Variants in MARCHF1 observed in about 807,000 individuals in gnomAD.
MARCHF1 encodes the protein E3 ubiquitin-protein ligase MARCHF1.
A neutral mutation model predicts 54.2 loss-of-function variants in MARCHF1; 40 were observed. The ratio of observed to expected loss-of-function variants is 0.74; its 90% CI spans 0.57 to 0.96. The LOEUF (loss-of-function observed/expected upper bound fraction) is 0.96. Among genes scored for constraint, MARCHF1 ranks in the 40% least tolerant of loss-of-function variants. MARCHF1 has a pLI of 0.00. For missense variants in MARCHF1, 586 were observed against 656.5 expected (o/e 0.89, Z 1.17); for synonymous variants, 236 against 236.3 (o/e 1.00, Z 0.01).
chr4:163,574,194 T>C lies in MARCHF1; in HGVS notation c.1191+11555A>G, dbSNP rs539722743. ...TTCCTTGTAAATTTGTTTGAGTTCA[T>C]TGTAGATTCTGGATATTAGCCCTTT... On this transcript the variant is annotated intron_variant, in intron 8 of 9. Transcript: ENST00000514618. 3.3e-5 allele frequency among the ~76,000 whole-genome samples: 5 copies of C among 152,258 alleles called. No individual in the cohort carries two copies. The South Asian group carries it at 1.0e-3, about 32-fold the overall frequency.
chr4:164,302,620 G>A (rs1734591264), intron 1 of MARCHF1, among the ~76,000 whole-genome samples: 1 of 152,106 alleles, frequency 6.6e-6, no homozygotes, highest in African/African-American at 2.4e-5. Flanking sequence ...GCTAACACCT[G>A]TAATCCCAGC....
intron 3 of MARCHF1, among the ~76,000 whole-genome samples, chr4:163,863,575 G>C (rs572804603): frequency 3.0e-4 from 46 of 152,064 alleles, no homozygotes; most frequent in African/African-American, 1.1e-3. Flanking sequence ...AGTTTAATAT[G>C]GATAAATGTG....
At chr4:164,177,394 G>A (rs1265647961) in intron 1 of MARCHF1, among the ~76,000 whole-genome samples, 1 of 152,136 alleles carries the variant, frequency 6.6e-6, no homozygotes, top group Non-Finnish European at 1.5e-5. Context: ...CAGAATCGAG[G>A]TTCTTTGATT....
At chr4:164,148,470 C>A (rs1729833413) in intron 1 of MARCHF1, among the ~76,000 whole-genome samples, 1 of 151,840 alleles carries the variant, frequency 6.6e-6, no homozygotes, top group African/African-American at 2.4e-5. Context: ...CCCATTCTAC[C>A]ATTTCTTTAT....
At chr4:164,003,710 T>C (rs1354343711) in intron 2 of MARCHF1, among the ~76,000 whole-genome samples, 1 of 152,120 alleles carries the variant, frequency 6.6e-6, no homozygotes, top group African/African-American at 2.4e-5. Flanking sequence ...AGTTCAACCA[T>C]TGTGGAAGAC....
At chr4:163,975,180 T>TCACA (rs1752624762) in intron 3 of MARCHF1, among the ~76,000 whole-genome samples, 2 of 146,090 alleles carry the variant, frequency 1.4e-5, no homozygotes, top group African/African-American at 5.4e-5. Context: ...TCTCTCTCTC[T>TCACA]CTCTCTCTCT....
intron 4 of MARCHF1, among the ~76,000 whole-genome samples, chr4:163,795,767 C>T (rs578144790): frequency 3.9e-5 from 6 of 152,226 alleles, no homozygotes; most frequent in Non-Finnish European, 2.9e-5. Flanking sequence ...GGGGCACTGG[C>T]CCCCACATGT....
At chr4:163,724,941 A>G (rs1745605021) in intron 4 of MARCHF1, among the ~76,000 whole-genome samples, 1 of 151,684 alleles carries the variant, frequency 6.6e-6, no homozygotes, top group Non-Finnish European at 1.5e-5. Flanking sequence ...GAATTCCCTG[A>G]CCCCTTGCAC....
At chr4:164,378,761 G>A (rs1030356226) in intron 1 of MARCHF1, among the ~76,000 whole-genome samples, 6 of 152,146 alleles carry the variant, frequency 3.9e-5, no homozygotes, top group African/African-American at 1.4e-4. Flanking sequence ...ACCGAGGCTG[G>A]AGTGCAATGG....
intron 3 of MARCHF1, among the ~76,000 whole-genome samples, chr4:163,917,691 A>T (rs1225413740): frequency 6.6e-6 from 1 of 152,036 alleles, no homozygotes; most frequent in Non-Finnish European, 1.5e-5. Flanking sequence ...AATATGTGCC[A>T]TGGTGGTTTG....
chr4:163,590,083 C>T (rs1331941411), intron 7 of MARCHF1, among the ~76,000 whole-genome samples: 6 of 129,616 alleles, frequency 4.6e-5, no homozygotes, highest in Admixed American at 9.1e-5. Flanking sequence ...TGTGTGTGTG[C>T]TTCACATCTC....
At chr4:163,669,116 G>A (rs1413484194) in intron 5 of MARCHF1, among the ~76,000 whole-genome samples, 2 of 152,154 alleles carry the variant, frequency 1.3e-5, no homozygotes. Flanking sequence ...GTTGACATAA[G>A]CCTCGAATTC....
Position 163,552,600 on chromosome 4 carries a change from A to G in MARCHF1, c.1192-6857T>C, listed in dbSNP as rs144574511. Among the ~76,000 whole-genome samples the G allele has an allele frequency of 9.7e-3, 1,472 of 152,314 alleles. 21 individuals carry two copies. Among genetic ancestry groups the G allele is most frequent in the African/African-American group, 0.032 (1,324 of 41,558 alleles). On this transcript the variant is annotated intron_variant, in intron 8 of 9. Coordinates refer to ENST00000514618, the MANE Select transcript of MARCHF1 (RefSeq NM_001394959.1). ...TCTTTTCTAACTAGAAGTGGTTTTCAGTATTAGCTGTTTGACAGGATCATT... is the reference window on the plus strand; with the variant it reads ...TCTTTTCTAACTAGAAGTGGTTTTCGGTATTAGCTGTTTGACAGGATCATT...
chr4:163,884,704 A>G (rs185116523), intron 3 of MARCHF1, among the ~76,000 whole-genome samples: 2 of 152,314 alleles, frequency 1.3e-5, no homozygotes, highest in African/African-American at 4.8e-5. Context: ...TTTTATCTTC[A>G]GTCCATATTG....
At chr4:163,998,880 AT>A (rs1753131054) in intron 2 of MARCHF1, among the ~76,000 whole-genome samples, 1 of 151,730 alleles carries the variant, frequency 6.6e-6, no homozygotes, top group Admixed American at 6.6e-5. Flanking sequence ...TTGATTCTAT[AT>A]CTTAACTATT....
intron 4 of MARCHF1, among the ~76,000 whole-genome samples, chr4:163,775,039 A>G (rs991918861): frequency 6.6e-6 from 1 of 152,110 alleles, no homozygotes; most frequent in African/African-American, 2.4e-5. Flanking sequence ...AAGACATCCC[A>G]AATCATCACT....
intron 7 of MARCHF1, among the ~76,000 whole-genome samples, chr4:163,596,551 A>G (rs547762043): frequency 2.1e-4 from 32 of 150,192 alleles, no homozygotes; most frequent in African/African-American, 7.7e-4. Context: ...AAAAAAAAAA[A>G]AAAAAAAAAA....
intron 1 of MARCHF1, among the ~76,000 whole-genome samples, chr4:164,382,899 C>G (rs1196356679): frequency 6.6e-6 from 1 of 152,166 alleles, no homozygotes; most frequent in Non-Finnish European, 1.5e-5. Flanking sequence ...AAATGTTTAG[C>G]AAGCAAATCT....
chr4:163,658,049 TA>T (rs1164988317), intron 5 of MARCHF1, among the ~76,000 whole-genome samples: 1 of 150,964 alleles, frequency 6.6e-6, no homozygotes, highest in African/African-American at 2.4e-5. Flanking sequence ...CGACAAAAGC[TA>T]AAATTGATCT....
Sources: allele counts gnomAD v4.1 joint callset (sites outside exome capture counted in the v4.1 genomes callset), GRCh38; gene constraint gnomAD v4.1.1; transcripts MANE v1.5; gene names NCBI Gene and HGNC (gene_info 2026-07-23, HGNC 2026-07-21).